MYO16: variants seen among roughly 807,000 people sequenced by gnomAD.
The protein encoded by MYO16 is unconventional myosin-XVI.
A neutral mutation model predicts 205.3 loss-of-function variants in MYO16; 94 were observed. The observed-to-expected ratio is 0.46, with a 90% CI of 0.39 to 0.54. MYO16 has a LOEUF of 0.54. Among genes scored for constraint, MYO16 ranks in the 20% least tolerant of loss-of-function variants. The pLI, the probability that MYO16 is intolerant of heterozygous loss-of-function variation, is 0.00. For missense variants in MYO16, 2,315 were observed against 2,387.5 expected (o/e 0.97, Z 0.63); for synonymous variants, 988 against 954.0 (o/e 1.04, Z -0.66).
chr13:108,538,346 G>A, the MYO16 span, among the ~76,000 whole-genome samples: 32 of 152,066 alleles, frequency 2.1e-4, no homozygotes, highest in Non-Finnish European at 3.5e-4. Flanking sequence ...GTATAATATC[G>A]TGAGAAGGAA....
chr13:109,027,799 G>T (rs955975525), intron 23 of MYO16, among the ~76,000 whole-genome samples: 4 of 152,120 alleles, frequency 2.6e-5, no homozygotes, highest in African/African-American at 9.7e-5. Flanking sequence ...ATGGCTGAAG[G>T]TCTTCAGTGC....
chr13:108,496,701 C>T, the MYO16 span, among the ~76,000 whole-genome samples: 1 of 152,218 alleles, frequency 6.6e-6, no homozygotes, highest in Non-Finnish European at 1.5e-5. Context: ...CTGTCATTTA[C>T]AGAAAAGCAG....
In MYO16 at chr13:108,839,044, T is replaced by G. The variant is rs551321739; in HGVS notation, c.1098-5299T>G. On this transcript the variant is annotated intron_variant, in intron 9 of 34. Transcript: ENST00000457511. ...TATAAGAAATGAAAGGTATTTCTTATGGTTCTGGAGGCTGAGAAGTCCAAG... is the reference window on the plus strand; with the variant it reads ...TATAAGAAATGAAAGGTATTTCTTAGGGTTCTGGAGGCTGAGAAGTCCAAG... Among the ~76,000 whole-genome samples, 57 of 152,206 alleles carry G rather than the reference T, an allele frequency of 3.7e-4. 2 individuals are homozygous for G. The South Asian group carries it at 4.2e-3, about 11-fold the overall frequency.
At chr13:108,664,103 T>C (rs1385387576) in intron 1 of MYO16, among the ~76,000 whole-genome samples, 1 of 152,218 alleles carries the variant, frequency 6.6e-6, no homozygotes. Context: ...TGCGTTTAGG[T>C]TACTGGACAG....
chr13:108,920,902 G>A lies in MYO16; in HGVS notation c.1925+10752G>A, dbSNP rs140152940. Among the ~76,000 whole-genome samples the A allele has an allele frequency of 2.3e-4, 35 of 152,336 alleles. No individual in the cohort carries two copies. The East Asian group carries it at 5.8e-3, about 25-fold the overall frequency. On this transcript the variant is annotated intron_variant, in intron 16 of 34. Coordinates refer to ENST00000457511, the MANE Select transcript of MYO16 (RefSeq NM_001198950.3). ...GCTTGACTTTGCCAGTGATTGTGATGTGGCTGGTCACTGGAGGTGTGGCCC... is the reference window on the plus strand; with the variant it reads ...GCTTGACTTTGCCAGTGATTGTGATATGGCTGGTCACTGGAGGTGTGGCCC...
intron 1 of MYO16, among the ~76,000 whole-genome samples, chr13:108,611,097 C>T (rs1308635249): frequency 6.6e-6 from 1 of 152,028 alleles, no homozygotes; most frequent in Non-Finnish European, 1.5e-5. Context: ...GTGTATTCTG[C>T]CTAAATTTGA....
At chr13:108,601,301 T>C (rs1163489840) in intron 1 of MYO16, among the ~76,000 whole-genome samples, 1 of 152,168 alleles carries the variant, frequency 6.6e-6, no homozygotes. Flanking sequence ...TTTCCTGTTA[T>C]TTATTTTAGC....
At chr13:109,177,049 T>C (rs1879230770) in intron 33 of MYO16, among the ~76,000 whole-genome samples, 1 of 152,258 alleles carries the variant, frequency 6.6e-6, no homozygotes, top group Non-Finnish European at 1.5e-5. Context: ...GAAGCGTCCT[T>C]GTGTTTTGTT....
At chr13:108,893,529 A>C (rs2139192568) in intron 14 of MYO16, among the ~76,000 whole-genome samples, 1 of 152,344 alleles carries the variant, frequency 6.6e-6, no homozygotes, top group African/African-American at 2.4e-5. Flanking sequence ...CCTGAAAGGA[A>C]AATCTGATTA....
rs1883153515 is a variant in MYO16 at position 108,697,985 on chromosome 13, A to C, written c.293-14676A>C. The stretch of plus-strand genomic sequence containing the variant: ...TGATCCACCCGCCTTGGCCTCCCAA[A>C]GTGCTGGGATTACAGGTGTGAGCCA... On this transcript the variant is annotated intron_variant, in intron 2 of 34. Transcript: ENST00000457511. 3.3e-5 allele frequency among the ~76,000 whole-genome samples: 5 copies of C among 152,160 alleles called. 1 individual carries two copies. Among genetic ancestry groups the C allele is most frequent in the Admixed American group, 2.6e-4 (4 of 15,288 alleles).
chr13:108,763,966 C>T (rs535731122), intron 4 of MYO16, among the ~76,000 whole-genome samples: 5 of 151,954 alleles, frequency 3.3e-5, no homozygotes, highest in African/African-American at 7.2e-5. Context: ...CAAAAAAGAC[C>T]GATAAACTCG....
chr13:108,696,190 T>C (rs1471558436), intron 2 of MYO16, among the ~76,000 whole-genome samples: 1 of 152,208 alleles, frequency 6.6e-6, no homozygotes, highest in Non-Finnish European at 1.5e-5. Context: ...CAGTTTCTAA[T>C]ACATTTTAAT....
intron 25 of MYO16, 38 bp downstream of exon 25, chr13:109,052,513 T>C (rs1287426147): frequency 6.8e-7 from 1 of 1,466,056 alleles, no homozygotes; most frequent in South Asian, 1.2e-5. Flanking sequence ...TTATTTTTAA[T>C]TTTGATAAGT....
chr13:108,703,797 A>C (rs953611544), intron 2 of MYO16, among the ~76,000 whole-genome samples: 6 of 152,316 alleles, frequency 3.9e-5, no homozygotes, highest in Middle Eastern at 3.4e-3. Context: ...TTATGGGCTA[A>C]ATTTTGTCCT....
chr13:108,735,307 T>C (rs996426285), intron 4 of MYO16, among the ~76,000 whole-genome samples: 1 of 130,622 alleles, frequency 7.7e-6, no homozygotes, highest in African/African-American at 2.8e-5. Context: ...TTCCCCTTCC[T>C]GTGTCCATGT....
chr13:109,063,213 A>C (rs756674136), intron 27 of MYO16, among the ~76,000 whole-genome samples: 1 of 152,156 alleles, frequency 6.6e-6, no homozygotes, highest in Non-Finnish European at 1.5e-5. Flanking sequence ...GAGTCTTTCT[A>C]ATTGAAACTG....
chr13:108,950,734 C>G (rs887814596), intron 16 of MYO16, among the ~76,000 whole-genome samples: 9 of 152,164 alleles, frequency 5.9e-5, no homozygotes, highest in African/African-American at 2.2e-4. Context: ...TTTACATAAA[C>G]ACCTCTATGT....
At chr13:108,987,482 T>C (rs1884682884) in intron 20 of MYO16, among the ~76,000 whole-genome samples, 1 of 152,154 alleles carries the variant, frequency 6.6e-6, no homozygotes, top group Non-Finnish European at 1.5e-5. Context: ...TCAGGCCAAT[T>C]AAGGAAAGCA....
At chr13:108,564,023 G>A in the MYO16 span, among the ~76,000 whole-genome samples, 4 of 151,988 alleles carry the variant, frequency 2.6e-5, no homozygotes, top group African/African-American at 9.7e-5. Context: ...CTGTCTTTTG[G>A]ATGAAAGCCA....
Sources: allele counts gnomAD v4.1 joint callset (sites outside exome capture counted in the v4.1 genomes callset), GRCh38; gene constraint gnomAD v4.1.1; transcripts MANE v1.5; gene names NCBI Gene and HGNC (gene_info 2026-07-23, HGNC 2026-07-21).